KCNAB1: variants seen among roughly 807,000 people sequenced by gnomAD.
KCNAB1 encodes the protein voltage-gated potassium channel subunit beta-1.
Under a neutral mutation model 64.6 loss-of-function variants are expected in KCNAB1, and 35 were observed. The observed-to-expected ratio is 0.54, with a 90% CI of 0.41 to 0.72. The LOEUF (loss-of-function observed/expected upper bound fraction) is 0.72. KCNAB1 is among the 30% of genes least tolerant of loss of function. KCNAB1 has a pLI of 0.00. For missense variants in KCNAB1, 401 were observed against 512.9 expected, an observed-to-expected ratio of 0.78 and a Z score of 2.11; for synonymous variants, 177 against 183.8, an observed-to-expected ratio of 0.96 and a Z score of 0.30.
chr3:156,342,737 A>C (rs974516923), intron 1 of KCNAB1, among the ~76,000 whole-genome samples: 7 of 151,690 alleles, frequency 4.6e-5, no homozygotes, highest in African/African-American at 7.3e-5. Context: ...CATTAGGTAT[A>C]TCTCCCAATG....
intron 1 of KCNAB1, among the ~76,000 whole-genome samples, chr3:156,212,946 C>T (rs780324241): frequency 1.3e-4 from 20 of 152,032 alleles, no homozygotes; most frequent in Non-Finnish European, 2.2e-4. Flanking sequence ...GTGGGGAAGC[C>T]GTGGAAGGCT....
chr3:156,190,572 A>C (rs1262881095), intron 1 of KCNAB1, among the ~76,000 whole-genome samples: 1 of 152,198 alleles, frequency 6.6e-6, no homozygotes, highest in African/African-American at 2.4e-5. Context: ...AAATCACTAA[A>C]CTTCCTTGAG....
At chr3:156,453,811 T>C (rs1477235428) in intron 3 of KCNAB1, among the ~76,000 whole-genome samples, 1 of 152,138 alleles carries the variant, frequency 6.6e-6, no homozygotes, top group Non-Finnish European at 1.5e-5. Context: ...CACTCTACCA[T>C]TGACCGACCT....
chr3:156,301,708 A>G (rs770055923), intron 1 of KCNAB1, among the ~76,000 whole-genome samples: 6 of 152,210 alleles, frequency 3.9e-5, no homozygotes, highest in Non-Finnish European at 8.8e-5. Flanking sequence ...TTGGAAATCA[A>G]GAGGCTTGGA....
intron 1 of KCNAB1, among the ~76,000 whole-genome samples, chr3:156,354,124 A>ATATATATATATATATGTG (rs1725065411): frequency 7.3e-6 from 1 of 136,950 alleles, no homozygotes; most frequent in South Asian, 2.2e-4. Flanking sequence ...GTGTGTGTAT[A>ATATATATATATATATGTG]TATATATATA....
At chr3:156,424,169 T>G (rs1051825874) in intron 2 of KCNAB1, among the ~76,000 whole-genome samples, 2 of 152,042 alleles carry the variant, frequency 1.3e-5, no homozygotes, top group Non-Finnish European at 2.9e-5. Flanking sequence ...ACAGCAAAAC[T>G]AACATTGGAG....
At chr3:156,189,164 C>T (rs979448416) in intron 1 of KCNAB1, among the ~76,000 whole-genome samples, 2 of 152,210 alleles carry the variant, frequency 1.3e-5, no homozygotes, top group Non-Finnish European at 2.9e-5. Flanking sequence ...CTGTTTCTGA[C>T]TAGGAGCTGT....
intron 1 of KCNAB1, among the ~76,000 whole-genome samples, chr3:156,232,862 T>C (rs913371368): frequency 1.1e-4 from 17 of 152,256 alleles, no homozygotes; most frequent in Non-Finnish European, 2.5e-4. Flanking sequence ...TATTCAATTT[T>C]CAGAAAAACA....
chr3:156,247,208 A>G (rs1717509620), intron 1 of KCNAB1, among the ~76,000 whole-genome samples: 1 of 152,162 alleles, frequency 6.6e-6, no homozygotes. Context: ...GTCTCCAGAA[A>G]GCTAGCCTGA....
At chr3:156,224,294 AC>A (rs1209273086) in intron 1 of KCNAB1, among the ~76,000 whole-genome samples, 1 of 152,116 alleles carries the variant, frequency 6.6e-6, no homozygotes, top group Non-Finnish European at 1.5e-5. Context: ...CCCGGTTTCC[AC>A]CCGTGCCTCT....
chr3:156,297,053 A>T (rs1720831027), intron 1 of KCNAB1, among the ~76,000 whole-genome samples: 1 of 152,112 alleles, frequency 6.6e-6, no homozygotes, highest in Non-Finnish European at 1.5e-5. Flanking sequence ...TATTTATCAC[A>T]TGTATAGATT....
At chr3:156,532,810 T>C (rs1022049311) in intron 13 of KCNAB1, among the ~76,000 whole-genome samples, 2 of 152,144 alleles carry the variant, frequency 1.3e-5, no homozygotes, top group Admixed American at 6.5e-5. Context: ...AAGATAAGGG[T>C]ACACAGTGAT....
At chr3:156,160,738 T>A (rs1716026267) in intron 1 of KCNAB1, among the ~76,000 whole-genome samples, 1 of 152,250 alleles carries the variant, frequency 6.6e-6, no homozygotes, top group Non-Finnish European at 1.5e-5. Flanking sequence ...GAGGAAAGCA[T>A]GGATCAAGAG....
intron 1 of KCNAB1, among the ~76,000 whole-genome samples, chr3:156,274,430 T>C (rs1241712010): frequency 6.6e-6 from 1 of 152,206 alleles, no homozygotes; most frequent in Non-Finnish European, 1.5e-5. Context: ...AAAATACTTA[T>C]TTCATTTGAC....
In KCNAB1 at chr3:156,536,725, G is replaced by C. The variant is rs778184429; in HGVS notation, c.1238G>C (p.Ser413Thr). 2.1e-5 allele frequency: 34 copies of C among 1,611,262 alleles called. No individual in the cohort carries two copies. Among genetic ancestry groups the C allele is most frequent in the African/African-American group, 2.7e-5 (2 of 74,862 alleles). ...AACATACTGCGCAACAAGCCCTACA[G>C]CAAGAAGGACTATAGATCATAAGGC... is the stretch of plus-strand genomic sequence containing the variant. ...IDNILRNKPY[S>T]KKDYRS The change falls in exon 14 of 14, where the codon AGC (serine) becomes ACC (threonine). Residue 413 changes from serine to threonine, a missense_variant. Transcript: ENST00000490337.
At chr3:156,397,277 A>C (rs1463347264) in intron 1 of KCNAB1, among the ~76,000 whole-genome samples, 3 of 152,182 alleles carry the variant, frequency 2.0e-5, no homozygotes, top group Non-Finnish European at 4.4e-5. Context: ...AGCAACTTAC[A>C]TGTGTTGCTT....
intron 8 of KCNAB1, among the ~76,000 whole-genome samples, chr3:156,504,736 GT>G (rs1553756361): frequency 4.7e-4 from 50 of 105,874 alleles, no homozygotes; most frequent in East Asian, 3.9e-3. Context: ...TACTTGTTTT[GT>G]TTTTGTTTTT....
Position 156,224,449 on chromosome 3 carries a change from AGCGAGGGCT to A in KCNAB1, c.275+103575_275+103583del, listed in dbSNP as rs562361868. On this transcript the variant is annotated intron_variant, in intron 1 of 13. Coordinates refer to ENST00000490337, the MANE Select transcript of KCNAB1 (RefSeq NM_172160.3). ...CAAGGCCGAGGAGGCGCCAAGAGCAAGCGAGGGCTGCGAGGGCTGCCAGCATGCTGTCAC... is the reference window on the plus strand; with the variant it reads ...CAAGGCCGAGGAGGCGCCAAGAGCAAGCGAGGGCTGCCAGCATGCTGTCAC... Among the ~76,000 whole-genome samples, 331 of 152,378 alleles carry A rather than the reference AGCGAGGGCT, an allele frequency of 2.2e-3. 2 individuals are homozygous for A. Among genetic ancestry groups the A allele is most frequent in the African/African-American group, 7.4e-3 (308 of 41,600 alleles).
At chr3:156,205,718 G>A (rs1400473018) in intron 1 of KCNAB1, among the ~76,000 whole-genome samples, 1 of 152,136 alleles carries the variant, frequency 6.6e-6, no homozygotes, top group Non-Finnish European at 1.5e-5. Context: ...GGTGCTTTTA[G>A]ACTCTGCCCT....
Sources: gnomAD v4.1 joint callset for allele counts (sites outside exome capture counted in the v4.1 genomes callset) on GRCh38, gnomAD v4.1.1 for gene constraint, MANE v1.5 for transcripts, NCBI Gene and HGNC (gene_info 2026-07-23, HGNC 2026-07-21) for gene names.